NRG1: variants seen among roughly 807,000 people sequenced by gnomAD.
NRG1 encodes the protein neuregulin 1, also known as pro-neuregulin-1, membrane-bound isoform.
In NRG1, 18 loss-of-function variants were observed where a neutral mutation model predicts 63.8. The ratio of observed to expected loss-of-function variants is 0.28; its 90% CI spans 0.19 to 0.42. The LOEUF (loss-of-function observed/expected upper bound fraction) is 0.42, where lower values mean the gene tolerates loss of function less well. Ranked by LOEUF, NRG1 falls within the 10% of genes least tolerant of loss-of-function variation. NRG1 has a pLI of 1.00. For missense variants in NRG1, 762 were observed against 814.7 expected (o/e 0.94, Z 0.79); for synonymous variants, 302 against 301.3 (o/e 1.00, Z -0.02).
intron 1 of NRG1, among the ~76,000 whole-genome samples, chr8:32,375,682 A>G (rs1809530668): frequency 6.6e-6 from 1 of 152,214 alleles, no homozygotes. Context: ...TTCCTTCTCA[A>G]GAAGTCCTGC....
At chr8:32,092,473 A>AAG (rs1458063433) in intron 1 of NRG1, among the ~76,000 whole-genome samples, 1 of 151,390 alleles carries the variant, frequency 6.6e-6, no homozygotes, top group East Asian at 1.9e-4. Context: ...AAAAAAAAAA[A>AAG]AAAAAAGAAA....
chr8:32,253,776 C>T (rs988023830), intron 1 of NRG1, among the ~76,000 whole-genome samples: 4 of 152,162 alleles, frequency 2.6e-5, no homozygotes, highest in South Asian at 2.1e-4. Flanking sequence ...GTACCAGCTC[C>T]TCTTTGTACC....
intron 1 of NRG1, among the ~76,000 whole-genome samples, chr8:31,943,550 A>ATAAATAAG (rs1288613837): frequency 6.6e-6 from 1 of 151,828 alleles, no homozygotes; most frequent in Non-Finnish European, 1.5e-5. Flanking sequence ...AAATAAATAA[A>ATAAATAAG]TAAATAAATT....
intron 5 of NRG1, among the ~76,000 whole-genome samples, chr8:32,662,806 T>C (rs1040672591): frequency 9.2e-5 from 14 of 152,304 alleles, no homozygotes; most frequent in Admixed American, 5.2e-4. Context: ...CCAACTGAGA[T>C]GGAGATGATC....
At chr8:32,749,890 A>G in intron 7 of NRG1, 1 of 357,254 alleles carries the variant, frequency 2.8e-6, no homozygotes, top group Non-Finnish European at 5.1e-6. Context: ...CTCTGCTGTT[A>G]TATAAAAGCT....
At chr8:32,313,407 G>A (rs56716642) in intron 1 of NRG1, among the ~76,000 whole-genome samples, 34,887 of 152,026 alleles carry the variant, frequency 0.23, 4,859 homozygotes, top group East Asian at 0.63. Flanking sequence ...TGCATTTCTA[G>A]GAAGAAATTA....
intron 1 of NRG1, among the ~76,000 whole-genome samples, chr8:32,340,969 A>G (rs1203414126): frequency 6.6e-6 from 1 of 152,198 alleles, no homozygotes; most frequent in Non-Finnish European, 1.5e-5. Flanking sequence ...GCAAAGCTAC[A>G]ACATTGAGTG....
At chr8:31,954,920 G>A (rs557825269) in intron 1 of NRG1, among the ~76,000 whole-genome samples, 34 of 152,230 alleles carry the variant, frequency 2.2e-4, no homozygotes, top group African/African-American at 6.5e-4. Flanking sequence ...TTCACTCAGA[G>A]CAAAGATAGA....
intron 1 of NRG1, among the ~76,000 whole-genome samples, chr8:31,668,389 T>G (rs1309405846): frequency 1.3e-5 from 2 of 152,124 alleles, no homozygotes; most frequent in African/African-American, 2.4e-5. Flanking sequence ...GGCCTTTATA[T>G]CCCCCCAGAT....
chr8:32,599,395 G>A (rs1167449383), intron 2 of NRG1, among the ~76,000 whole-genome samples: 1 of 152,068 alleles, frequency 6.6e-6, no homozygotes, highest in Non-Finnish European at 1.5e-5. Flanking sequence ...ATCAGATTAT[G>A]CATAGCAGCC....
chr8:31,739,070 A>G (rs558419651), intron 1 of NRG1, among the ~76,000 whole-genome samples: 2 of 152,246 alleles, frequency 1.3e-5, no homozygotes, highest in East Asian at 3.9e-4. Context: ...GTAAGTGCAC[A>G]CGTAAGATGC....
chr8:31,880,120 A>C (rs2129612622), intron 1 of NRG1, among the ~76,000 whole-genome samples: 1 of 152,316 alleles, frequency 6.6e-6, no homozygotes, highest in African/African-American at 2.4e-5. Flanking sequence ...GGGAAGCAGT[A>C]TGGCGATTCC....
intron 5 of NRG1, among the ~76,000 whole-genome samples, chr8:32,635,049 C>T (rs551460397): frequency 6.6e-6 from 1 of 152,298 alleles, no homozygotes; most frequent in South Asian, 2.1e-4. Flanking sequence ...TGACCTGTTT[C>T]TGTTTTTCAC....
intron 1 of NRG1, among the ~76,000 whole-genome samples, chr8:32,263,488 T>C (rs909140102): frequency 2.0e-5 from 3 of 152,144 alleles, no homozygotes; most frequent in Admixed American, 2.0e-4. Context: ...CCTGCTCCCA[T>C]TGTCAGACCC....
chr8:32,040,682 CAT>C (rs1265782082), intron 1 of NRG1, among the ~76,000 whole-genome samples: 42 of 122,314 alleles, frequency 3.4e-4, no homozygotes, highest in African/African-American at 1.1e-3. Flanking sequence ...TACACACACA[CAT>C]ATATAAATTT....
chr8:32,524,542 C>G (rs1402839081), intron 1 of NRG1, among the ~76,000 whole-genome samples: 1 of 151,704 alleles, frequency 6.6e-6, no homozygotes, highest in Non-Finnish European at 1.5e-5. Context: ...AGATCCAAAG[C>G]CTTTCTCACA....
chr8:31,643,674 G>T lies in NRG1; in HGVS notation c.37+4243G>T, dbSNP rs542683989. ...AGTGTTTGTAGTCTTCACTTTTTCT[G>T]TTGCTCACTGAACGACCTAAGAAAT... On this transcript the variant is annotated intron_variant, in intron 1 of 10. Transcript: ENST00000519301. Among the ~76,000 whole-genome samples, 498 of 152,246 alleles carry T rather than the reference G, an allele frequency of 3.3e-3. 5 individuals are homozygous for T. Among genetic ancestry groups the T allele is most frequent in the African/African-American group, 0.012 (480 of 41,542 alleles).
intron 1 of NRG1, among the ~76,000 whole-genome samples, chr8:32,420,974 C>A (rs138428458): frequency 7.6e-4 from 115 of 152,258 alleles, no homozygotes; most frequent in African/African-American, 2.5e-3. Context: ...CTCTGTCCTG[C>A]CCCTTGTGAA....
chr8:32,771,946 C>T (rs1831835313), downstream of NRG1, among the ~76,000 whole-genome samples: 1 of 146,206 alleles, frequency 6.8e-6, no homozygotes, highest in African/African-American at 2.5e-5. Context: ...TCACTTGAAC[C>T]TGGGAGGCAG....
Sources: gnomAD v4.1 joint callset for allele counts (sites outside exome capture counted in the v4.1 genomes callset) on GRCh38, gnomAD v4.1.1 for gene constraint, MANE v1.5 for transcripts, NCBI Gene and HGNC (gene_info 2026-07-23, HGNC 2026-07-21) for gene names.